The following SAG variants were observed in gnomAD, a reference collection of about 807,000 sequenced individuals.
The protein encoded by SAG is S-arrestin.
A neutral mutation model predicts 55.0 loss-of-function variants in SAG; 45 were observed. That is an observed-to-expected ratio of 0.82 (90% CI 0.64 to 1.05). The LOEUF (loss-of-function observed/expected upper bound fraction) is 1.05. Among genes scored for constraint, SAG ranks in the 50% least tolerant of loss-of-function variants. The pLI, the probability that SAG is intolerant of heterozygous loss-of-function variation, is 0.00. For missense variants in SAG, 455 were observed against 512.1 expected (o/e 0.89, Z 1.08); for synonymous variants, 189 against 197.4 (o/e 0.96, Z 0.36).
intron 2 of SAG, among the ~76,000 whole-genome samples, chr2:233,315,355 C>T (rs1030927754): frequency 3.1e-5 from 4 of 130,648 alleles, no homozygotes; most frequent in Admixed American, 9.6e-5. Context: ...TGCAGTGGAA[C>T]GATCTCTGCT....
At position 233,318,796 on chromosome 2, in the gene SAG, G is replaced by A. The variant is rs779062750; in HGVS notation, c.181+1G>A. On this transcript the variant is annotated splice_donor_variant, in intron 4 of 15. Transcript: ENST00000409110. LOFTEE classifies it high-confidence loss of function. ...CCTGATCTTGTGAAGGGAAAGAAAG[G>A]TGAGATGAAGCCCCTTGTCTCAGGC... is the stretch of plus-strand genomic sequence containing the variant. 9.3e-6 allele frequency: 15 copies of A among 1,613,528 alleles called. No individual in the cohort carries two copies. The highest frequency in any genetic ancestry group is 1.3e-5 in the Non-Finnish European group (15 of 1,179,498).
chr2:233,343,695 C>G (rs764697113), intron 14 of SAG: 1 of 1,242,180 alleles, frequency 8.1e-7, no homozygotes, highest in African/African-American at 1.6e-5. Flanking sequence ...TTCTCTGCAT[C>G]GAGGCAGCTT....
At position 233,340,789 on chromosome 2, in the gene SAG, A is replaced by C. The variant is rs1701075270; in HGVS notation, c.1046+311A>C. Among the ~76,000 whole-genome samples the C allele has an allele frequency of 6.6e-6, 1 of 152,094 alleles. No individual in the cohort carries two copies. Among genetic ancestry groups the C allele is most frequent in the Non-Finnish European group, 1.5e-5 (1 of 68,020 alleles). On this transcript the variant is annotated intron_variant, in intron 13 of 15. Coordinates refer to ENST00000409110, the MANE Select transcript of SAG (RefSeq NM_000541.5). This position sits in a 1 kb window ranked among gnomAD's most constrained non-coding sequence, Gnocchi z 4.2. ...TGTGTGTTTGTGTGCGGTAAAATAC[A>C]CATAACATAAATTTTACCATTATAT...
intron 13 of SAG, 81 bp from the exon 14 acceptor site, chr2:233,342,190 C>A: frequency 2.8e-6 from 3 of 1,059,866 alleles, no homozygotes; most frequent in Non-Finnish European, 4.3e-6. Context: ...TTTTGTGACT[C>A]TCCGCAGCCA....
chr2:233,346,284 C>G, intron 14 of SAG, 119 bp from the exon 15 acceptor site: 1 of 1,117,078 alleles, frequency 9.0e-7, no homozygotes, highest in Non-Finnish European at 1.4e-6. Flanking sequence ...CCTTATCTCT[C>G]AAATTGTAAA....
At chr2:233,335,718 T>G (rs149688024) in intron 11 of SAG, among the ~76,000 whole-genome samples, 1 of 152,362 alleles carries the variant, frequency 6.6e-6, no homozygotes, top group East Asian at 1.9e-4. Context: ...ACTGGCTGAA[T>G]TTGGGCAGCA....
At chr2:233,315,119 A>G (rs1700180852) in intron 2 of SAG, among the ~76,000 whole-genome samples, 1 of 152,106 alleles carries the variant, frequency 6.6e-6, no homozygotes, top group African/African-American at 2.4e-5. Flanking sequence ...CTTCGTTGCC[A>G]GGGGCAGGAC....
At chr2:233,330,156 G>C (rs1457224698) in intron 9 of SAG, among the ~76,000 whole-genome samples, 1 of 152,218 alleles carries the variant, frequency 6.6e-6, no homozygotes, top group Non-Finnish European at 1.5e-5. Flanking sequence ...AGCACAGGGG[G>C]TCTTATATAA....
intron 9 of SAG, among the ~76,000 whole-genome samples, chr2:233,330,483 T>A (rs1433098154): frequency 1.7e-5 from 1 of 58,608 alleles, no homozygotes; most frequent in Non-Finnish European, 3.3e-5. Flanking sequence ...CTCCCTTCCT[T>A]CCTTCCTTCC....
At chr2:233,346,648 G>C (rs1005981192) in intron 15 of SAG, among the ~76,000 whole-genome samples, 159 bp from the exon 16 acceptor site, 3 of 152,214 alleles carry the variant, frequency 2.0e-5, no homozygotes, top group African/African-American at 7.2e-5. Flanking sequence ...GCTAGTTAAA[G>C]GAATTTTAAA....
At chr2:233,325,884 G>T (rs928937500) in intron 6 of SAG, among the ~76,000 whole-genome samples, 18 of 152,094 alleles carry the variant, frequency 1.2e-4, no homozygotes, top group Non-Finnish European at 2.2e-4. Flanking sequence ...ACAGGCGTTG[G>T]TGTGGCTCAA....
rs971908490 is a variant in SAG, at chr2:233,346,848, A to G, written c.1154A>G (p.His385Arg). The G allele has an allele frequency of 1.2e-6, 2 of 1,613,090 alleles. No individual in the cohort carries two copies. The highest frequency in any genetic ancestry group is 1.7e-6 in the Non-Finnish European group (2 of 1,179,362). The change falls in exon 16 of 16, where the codon CAT becomes CGT. Residue 385 changes from histidine to arginine, a missense_variant. Transcript: ENST00000409110. ...TTAGTTTTTGAGGAGTTTGCTCGCCATAATCTGAAAGATGCAGGAGAAGCT... is the reference window on the plus strand; with the variant it reads ...TTAGTTTTTGAGGAGTTTGCTCGCCGTAATCTGAAAGATGCAGGAGAAGCT... ...ANLVFEEFAR[H>R]NLKDAGEAEE...
chr2:233,340,505 A>G lies in SAG; in HGVS notation c.1046+27A>G, dbSNP rs1401452862. ...TAAGCCTGTTCACCTTCCTTGTTTGATTGTTTCTCAAGATATCAAAGGCAG... is the reference window on the plus strand; with the variant it reads ...TAAGCCTGTTCACCTTCCTTGTTTGGTTGTTTCTCAAGATATCAAAGGCAG... On this transcript the variant is annotated intron_variant, in intron 13 of 15. Coordinates refer to ENST00000409110, the MANE Select transcript of SAG (RefSeq NM_000541.5). The surrounding 1 kb of genome is among the most constrained non-coding windows in gnomAD (Gnocchi z 4.2). 4.4e-6 allele frequency: 7 copies of G among 1,596,190 alleles called. No homozygotes were observed. The highest frequency in any genetic ancestry group is 1.3e-5 in the African/African-American group (1 of 74,618).
intron 11 of SAG, among the ~76,000 whole-genome samples, chr2:233,336,750 G>T (rs1574950742): frequency 6.6e-6 from 1 of 152,052 alleles, no homozygotes; most frequent in Admixed American, 6.6e-5. Flanking sequence ...TCTCAGGCAC[G>T]TGGCAGAGCA....
Position 233,316,139 on chromosome 2 carries a change from A to G in SAG, c.136+4A>G, listed in dbSNP as rs779457271. ...GTCAGCCAAGTCCAGCCTGTGGGTA[A>G]GTTGCTTGGAGAAAACTGTAATGCT... On this transcript the variant is annotated splice_donor_region_variant and intron_variant, in intron 3 of 15. Transcript: ENST00000409110. 139 of 1,562,776 alleles carry G rather than the reference A, an allele frequency of 8.9e-5. 1 individual carries two copies. In the Admixed American group the frequency reaches 2.4e-3, roughly 27 times the overall value.
rs1354727841 is a variant in SAG, at chr2:233,328,594, C to T, written c.629C>T (p.Ala210Val). ...ATGTCTGACAAGCCCCTGCACCTTG[C>T]GGTCTCTCTCAACAAAGAGGTAACC... ...FFMSDKPLHL[A>V]VSLNKEIYFH... The change falls in exon 8 of 16, where the codon GCG (alanine) becomes GTG (valine). Residue 210 changes from alanine to valine, a missense_variant. By Grantham distance (64) the Ala-to-Val change is moderately conservative. Transcript: ENST00000409110. 10 of 1,612,304 alleles carry T rather than the reference C, an allele frequency of 6.2e-6. No individual in the cohort carries two copies. The highest frequency in any genetic ancestry group is 7.6e-6 in the Non-Finnish European group (9 of 1,178,852).
At chr2:233,335,168 T>A in intron 11 of SAG, 69 bp downstream of exon 11, 1 of 1,554,788 alleles carries the variant, frequency 6.4e-7, no homozygotes. Context: ...TCCCTTCACA[T>A]CACCCTGCTG....
At chr2:233,315,349 G>C (rs1450371269) in intron 2 of SAG, among the ~76,000 whole-genome samples, 2 of 133,070 alleles carry the variant, frequency 1.5e-5, no homozygotes, top group Admixed American at 1.7e-4. Flanking sequence ...CTGGAGTGCA[G>C]TGGAACGATC....
In SAG at chr2:233,318,901, A is replaced by G. The variant is rs1001466149; in HGVS notation, c.181+106A>G. On this transcript the variant is annotated intron_variant, in intron 4 of 15. Transcript: ENST00000409110. ...CATGGAAGGAGAGACAGGAAGGCAG[A>G]GGCAGCGCTCTTGCACATGGAACCA... is the stretch of plus-strand genomic sequence containing the variant. 6 of 959,770 alleles carry G rather than the reference A, an allele frequency of 6.3e-6. No individual in the cohort carries two copies. The African/African-American group carries it at 8.0e-5, about 13-fold the overall frequency. 59.5% of individuals were successfully genotyped at this position (959,770 alleles called of 1,614,324 possible). A position where few individuals can be genotyped will look rare whatever the true frequency, so the allele number is the denominator to read the frequency against.
Sources: allele counts gnomAD v4.1 joint callset (sites outside exome capture counted in the v4.1 genomes callset), GRCh38; gene constraint gnomAD v4.1.1; non-coding constraint Gnocchi (gnomAD v3.1); transcripts MANE v1.5; gene names NCBI Gene and HGNC (gene_info 2026-07-23, HGNC 2026-07-21).